FGD3: variants seen among roughly 807,000 people sequenced by gnomAD.
FGD3 encodes FYVE, RhoGEF and PH domain-containing protein 3.
In FGD3, 45 loss-of-function variants were observed where a neutral mutation model predicts 71.8. The observed-to-expected ratio is 0.63, with a 90% CI of 0.49 to 0.80. The LOEUF (loss-of-function observed/expected upper bound fraction) is 0.80, where lower values mean the gene tolerates loss of function less well. Ranked by LOEUF, FGD3 falls within the 30% of genes least tolerant of loss-of-function variation. FGD3 has a pLI of 0.00. For missense variants in FGD3, 844 were observed against 951.5 expected (o/e 0.89, Z 1.49); for synonymous variants, 378 against 392.8 (o/e 0.96, Z 0.44).
intron 3 of FGD3, among the ~76,000 whole-genome samples, chr9:92,979,091 A>T (rs1859891143): frequency 6.6e-6 from 1 of 151,870 alleles, no homozygotes. Flanking sequence ...AATTTGGATG[A>T]CTTTTCTTCC....
In FGD3 at chr9:92,976,590, G is replaced by T. The variant is rs1859766024; in HGVS notation, c.334G>T (p.Ala112Ser). 6.2e-7 allele frequency: 1 copy of T among 1,612,768 alleles called. No individual in the cohort carries two copies. Among genetic ancestry groups the T allele is most frequent in the Non-Finnish European group, 8.5e-7 (1 of 1,179,888 alleles). The change falls in exon 3 of 18, where the codon GCC becomes TCC. Residue 112 changes from alanine (A) to serine (S), a missense_variant. Physicochemically the swap from Ala to Ser is moderately conservative, Grantham distance 99 (BLOSUM62 1). Transcript: ENST00000375482. The stretch of plus-strand genomic sequence containing the variant: ...TGTACTGGGGGCGCACGCAGAGATG[G>T]CCCTGGACAGCCAGGTCCCGAAGGT... ...PTVLGAHAEM[A>S]LDSQVPKVTP...
intron 2 of FGD3, among the ~76,000 whole-genome samples, chr9:92,975,798 G>A (rs1357601241): frequency 2.0e-5 from 3 of 152,100 alleles, no homozygotes; most frequent in East Asian, 3.9e-4. Context: ...AGGAGGAGGA[G>A]GACACCGGCC....
chr9:93,010,171 G>A, intron 6 of FGD3, 75 bp from the exon 7 acceptor site: 1 of 1,515,490 alleles, frequency 6.6e-7, no homozygotes, highest in Non-Finnish European at 8.9e-7. Flanking sequence ...CTGGGGCTGT[G>A]GTGGCCAGAA....
intron 1 of FGD3, among the ~76,000 whole-genome samples, chr9:92,956,439 C>T (rs1229233238): frequency 6.6e-6 from 1 of 152,064 alleles, no homozygotes; most frequent in Non-Finnish European, 1.5e-5. Flanking sequence ...AAAGAGGTAA[C>T]AAAGTTAAAA....
chr9:93,012,153 CAA>C (rs60323624), intron 8 of FGD3, among the ~76,000 whole-genome samples: 7,621 of 118,276 alleles, frequency 0.064, 277 homozygotes, highest in South Asian at 0.21. Flanking sequence ...GACTCTGTCT[CAA>C]AAAAAAAAAA....
At chr9:92,970,017 T>C (rs1859476330) in intron 1 of FGD3, among the ~76,000 whole-genome samples, 1 of 152,180 alleles carries the variant, frequency 6.6e-6, no homozygotes, top group Non-Finnish European at 1.5e-5. Context: ...GCTCCAGCCT[T>C]GCTCACCTCA....
intron 17 of FGD3, 125 bp from the exon 18 acceptor site, chr9:93,035,213 G>C: frequency 1.5e-6 from 2 of 1,375,154 alleles, no homozygotes; most frequent in Non-Finnish European, 1.9e-6. Flanking sequence ...CAGACCCCTC[G>C]GGCTCAGCAC....
chr9:92,999,140 G>A (rs186871936), intron 3 of FGD3, among the ~76,000 whole-genome samples: 74 of 152,290 alleles, frequency 4.9e-4, no homozygotes, highest in Admixed American at 1.1e-3. Flanking sequence ...GTTTCCCGGC[G>A]GCTTTGTTTA....
In FGD3 at chr9:92,976,644, G is replaced by A. The variant is rs768240459; in HGVS notation, c.388G>A (p.Val130Met). The change falls in exon 3 of 18, where the codon GTG (valine) becomes ATG (methionine). Residue 130 changes from valine to methionine, a missense_variant. Val to Met is a conservative substitution (Grantham distance 21). Coordinates refer to ENST00000375482, the MANE Select transcript of FGD3 (RefSeq NM_001083536.2). ...VTPQEEADSD[V>M]GEEPDSENTP... ...CCCCCAGGAGGAGGCGGACAGCGAC[G>A]TGGGTGAGGAACCTGACTCTGAGAA... 1.2e-5 allele frequency: 19 copies of A among 1,612,304 alleles called. No homozygotes were observed. Among genetic ancestry groups the A allele is most frequent in the South Asian group, 3.3e-5 (3 of 90,938 alleles).
chr9:92,992,626 G>A (rs1860459489), intron 3 of FGD3, among the ~76,000 whole-genome samples: 1 of 152,110 alleles, frequency 6.6e-6, no homozygotes. Context: ...ATGCATCTGG[G>A]GTTGTGGCAT....
chr9:92,976,680 A>G lies in FGD3; in HGVS notation c.424A>G (p.Lys142Glu). The G allele has an allele frequency of 6.3e-7, 1 of 1,599,798 alleles. No homozygotes were observed. The highest frequency in any genetic ancestry group is 8.5e-7 in the Non-Finnish European group (1 of 1,172,162). Residue 142 changes from lysine (K) to glutamate (E), a missense_variant, in exon 3 of 18, where the codon AAG (lysine) becomes GAG (glutamate). Transcript: ENST00000375482. ...EEPDSENTPQKADKDAGLAQH... is the reference protein window; with the variant it reads ...EEPDSENTPQEADKDAGLAQH... ...ACCTGACTCTGAGAACACCCCCCAG[A>G]AGGCTGACAAGGATGCCGGCCTGGC...
intron 17 of FGD3, 37 bp downstream of exon 17, chr9:93,034,718 A>AGCCCAGAGCCTCAGGCCTGAGGC: frequency 6.3e-7 from 1 of 1,596,860 alleles, no homozygotes; most frequent in Non-Finnish European, 8.5e-7. Context: ...TCAGGCCAGC[A>AGCCCAGAGCCTCAGGCCTGAGGC]GCCCAGAGCC....
chr9:93,002,886 T>A, intron 3 of FGD3, 39 bp from the exon 4 acceptor site: 1 of 1,603,678 alleles, frequency 6.2e-7, no homozygotes, highest in Non-Finnish European at 8.5e-7. Flanking sequence ...TCCCCAAGGC[T>A]CATCTTCCCC....
chr9:92,957,623 A>G (rs1304717703), intron 1 of FGD3, among the ~76,000 whole-genome samples: 1 of 144,560 alleles, frequency 6.9e-6, no homozygotes, highest in African/African-American at 2.6e-5. Flanking sequence ...TATCAGATAT[A>G]TGTATTGCAA....
rs774640421 is a variant in FGD3, at chr9:92,976,676, C to A, written c.420C>A (p.Pro140=). 1 of 1,603,762 alleles carries A rather than the reference C, an allele frequency of 6.2e-7. No homozygotes were observed. Residue 140 remains proline (P), a synonymous_variant, in exon 3 of 18, where the codon CCC becomes CCA. Coordinates refer to ENST00000375482, the MANE Select transcript of FGD3 (RefSeq NM_001083536.2). The part of the protein sequence containing the change: ...VGEEPDSENT[P]QKADKDAGLA... Reference sequence around the variant, plus strand: ...AGGAACCTGACTCTGAGAACACCCCCCAGAAGGCTGACAAGGATGCCGGCC... The same window carrying A: ...AGGAACCTGACTCTGAGAACACCCCACAGAAGGCTGACAAGGATGCCGGCC...
rs560529803 is a variant in FGD3 at position 92,959,579 on chromosome 9, C to T, written c.-218+11850C>T. On this transcript the variant is annotated intron_variant, in intron 1 of 17. Coordinates refer to ENST00000375482, the MANE Select transcript of FGD3 (RefSeq NM_001083536.2). Reference sequence around the variant, plus strand: ...AAACTTAGCCAGGCATAGTGCCACACACCTGTGGTCCCAGATACTCAGGAG... The same window carrying T: ...AAACTTAGCCAGGCATAGTGCCACATACCTGTGGTCCCAGATACTCAGGAG... Among the ~76,000 whole-genome samples, 8 of 152,068 alleles carry T rather than the reference C, an allele frequency of 5.3e-5. No homozygotes were observed. In the East Asian group the frequency reaches 1.5e-3, roughly 29 times the overall value.
chr9:92,964,003 ATC>A (rs1164658327), intron 1 of FGD3: 1 of 152,410 alleles, frequency 6.6e-6, no homozygotes, highest in Non-Finnish European at 1.5e-5. Flanking sequence ...TACACAGCAG[ATC>A]TACTCACAAA....
chr9:92,984,640 T>C (rs763510265), intron 3 of FGD3, among the ~76,000 whole-genome samples: 5 of 152,088 alleles, frequency 3.3e-5, no homozygotes, highest in Non-Finnish European at 5.9e-5. Context: ...GAAATAGAGC[T>C]CTTAGAGATA....
At chr9:92,957,570 A>G (rs1031817151) in intron 1 of FGD3, among the ~76,000 whole-genome samples, 2 of 147,880 alleles carry the variant, frequency 1.4e-5, no homozygotes, top group South Asian at 2.1e-4. Context: ...TTTTTTTTTC[A>G]TTGATTTGTA....
Sources: gnomAD v4.1 joint callset for allele counts (sites outside exome capture counted in the v4.1 genomes callset) on GRCh38, gnomAD v4.1.1 for gene constraint, MANE v1.5 for transcripts, NCBI Gene and HGNC (gene_info 2026-07-23, HGNC 2026-07-21) for gene names.